Variants in PAPSS2 observed in about 807,000 individuals in gnomAD.
The protein encoded by PAPSS2 is bifunctional 3'-phosphoadenosine 5'-phosphosulfate synthase 2.
Under a neutral mutation model 66.5 loss-of-function variants are expected in PAPSS2, and 61 were observed. The observed-to-expected ratio is 0.92, with a 90% CI of 0.75 to 1.14. PAPSS2 has a LOEUF of 1.14. Ranked by LOEUF, PAPSS2 falls within the 50% of genes most tolerant of loss-of-function variation. The pLI, the probability that PAPSS2 is intolerant of heterozygous loss-of-function variation, is 0.00. For missense variants in PAPSS2, 708 were observed against 789.6 expected (o/e 0.90, Z 1.24); for synonymous variants, 289 against 287.5 (o/e 1.01, Z -0.05).
chr10:87,719,758 A>G (rs950302623), intron 7 of PAPSS2, among the ~76,000 whole-genome samples: 1 of 152,182 alleles, frequency 6.6e-6, no homozygotes, highest in African/African-American at 2.4e-5. Flanking sequence ...GTCTGGAGAT[A>G]GAATGGTAAT....
intron 7 of PAPSS2, among the ~76,000 whole-genome samples, chr10:87,720,814 C>T (rs1422781989): frequency 6.6e-6 from 1 of 152,174 alleles, no homozygotes; most frequent in Non-Finnish European, 1.5e-5. Flanking sequence ...ATGAGTCACT[C>T]CATATTATTA....
intron 10 of PAPSS2, among the ~76,000 whole-genome samples, chr10:87,742,162 TATTA>T (rs1853878264): frequency 6.6e-6 from 1 of 152,262 alleles, no homozygotes; most frequent in Non-Finnish European, 1.5e-5. Context: ...TAGAACCATA[TATTA>T]GAACGCTATT....
chr10:87,705,391 A>G (rs538113726), intron 1 of PAPSS2, among the ~76,000 whole-genome samples: 11 of 152,354 alleles, frequency 7.2e-5, no homozygotes, highest in African/African-American at 2.6e-4. Context: ...AGTTGCTAAG[A>G]ACATTCTAGT....
At chr10:87,673,150 C>G (rs1435768227) in intron 1 of PAPSS2, among the ~76,000 whole-genome samples, 2 of 152,190 alleles carry the variant, frequency 1.3e-5, no homozygotes, top group Non-Finnish European at 2.9e-5. Flanking sequence ...ATTCAGAGAG[C>G]TGAGTACTAG....
intron 9 of PAPSS2, among the ~76,000 whole-genome samples, chr10:87,731,778 G>T (rs1853732800): frequency 6.6e-6 from 1 of 152,238 alleles, no homozygotes; most frequent in South Asian, 2.1e-4. Context: ...GCCTGAAGAA[G>T]TAACTGAATT....
At chr10:87,696,315 C>G (rs1461743154) in intron 1 of PAPSS2, among the ~76,000 whole-genome samples, 1 of 152,152 alleles carries the variant, frequency 6.6e-6, no homozygotes, top group Non-Finnish European at 1.5e-5. Flanking sequence ...CTTCTTTCTC[C>G]TCTTTTCTAT....
At chr10:87,732,094 A>C (rs1426041737) in intron 9 of PAPSS2, among the ~76,000 whole-genome samples, 1 of 152,210 alleles carries the variant, frequency 6.6e-6, no homozygotes. Flanking sequence ...TCTTATTTTA[A>C]TAAATTGCCA....
chr10:87,690,731 T>C (rs898806490), intron 1 of PAPSS2, among the ~76,000 whole-genome samples: 15 of 152,242 alleles, frequency 9.9e-5, no homozygotes, highest in Non-Finnish European at 1.5e-5. Flanking sequence ...TTTTTCTTTT[T>C]CTAACATTTA....
intron 9 of PAPSS2, among the ~76,000 whole-genome samples, chr10:87,738,391 G>GT (rs530482092): frequency 1.3e-5 from 2 of 148,994 alleles, no homozygotes; most frequent in African/African-American, 2.5e-5. Context: ...ACCAACACTT[G>GT]TTTTTTTTCT....
At chr10:87,700,660 A>G (rs1228626226) in intron 1 of PAPSS2, among the ~76,000 whole-genome samples, 4 of 150,306 alleles carry the variant, frequency 2.7e-5, no homozygotes, top group African/African-American at 9.7e-5. Flanking sequence ...CCTGTCTCAA[A>G]AAAAAAAAAA....
At chr10:87,724,826 TAG>T in intron 8 of PAPSS2, among the ~76,000 whole-genome samples, 1 of 78,774 alleles carries the variant, frequency 1.3e-5, no homozygotes, top group East Asian at 5.1e-4. Flanking sequence ...GTATTATATA[TAG>T]GTATACAATA....
chr10:87,718,575 G>T (rs1182579406), intron 7 of PAPSS2, among the ~76,000 whole-genome samples: 1 of 152,172 alleles, frequency 6.6e-6, no homozygotes, highest in Non-Finnish European at 1.5e-5. Context: ...GTCCCCAAGG[G>T]GTGCGTTTCC....
chr10:87,727,755 A>G (rs1300693225), intron 9 of PAPSS2, among the ~76,000 whole-genome samples: 1 of 152,224 alleles, frequency 6.6e-6, no homozygotes, highest in Non-Finnish European at 1.5e-5. Flanking sequence ...ATGGGACCAG[A>G]TAAGAAATTT....
chr10:87,662,593 G>C (rs1206845807), intron 1 of PAPSS2, among the ~76,000 whole-genome samples: 1 of 134,444 alleles, frequency 7.4e-6, no homozygotes, highest in Non-Finnish European at 1.5e-5. Flanking sequence ...AGACACCTAG[G>C]AGAGGGAAAG....
intron 9 of PAPSS2, among the ~76,000 whole-genome samples, chr10:87,729,864 T>C (rs1190507634): frequency 6.6e-6 from 1 of 151,876 alleles, no homozygotes; most frequent in Non-Finnish European, 1.5e-5. Context: ...GGCATGGTGG[T>C]GCATGCCTGT....
rs1853658033 is a variant in PAPSS2 at position 87,726,234 on chromosome 10, A to C, written c.881-1050A>C. On this transcript the variant is annotated intron_variant, in intron 8 of 12. Coordinates refer to ENST00000456849, the MANE Select transcript of PAPSS2 (RefSeq NM_001015880.2). Reference sequence around the variant, plus strand: ...ATCATGAGGTCAAGAGATCGAGACCATCCTGGCCAACATGGTGAAACCCCG... The same window carrying C: ...ATCATGAGGTCAAGAGATCGAGACCCTCCTGGCCAACATGGTGAAACCCCG... 3.3e-5 allele frequency among the ~76,000 whole-genome samples: 5 copies of C among 152,172 alleles called. No individual in the cohort carries two copies. The South Asian group carries it at 8.3e-4, about 25-fold the overall frequency.
intron 1 of PAPSS2, among the ~76,000 whole-genome samples, chr10:87,662,988 C>G (rs1339586384): frequency 6.6e-6 from 1 of 151,624 alleles, no homozygotes; most frequent in African/African-American, 2.4e-5. Flanking sequence ...AAGCCATTCT[C>G]TTGCCCCAGC....
Position 87,745,051 on chromosome 10 carries a change from T to C in PAPSS2, c.1541T>C (p.Ile514Thr). The change falls in exon 12 of 13, where the codon ATT becomes ACT. Residue 514 changes from isoleucine (I) to threonine (T), a missense_variant. Coordinates refer to ENST00000456849, the MANE Select transcript of PAPSS2 (RefSeq NM_001015880.2). ...SRMIAGANFYIVGRDPAGMPH... is the reference protein window; with the variant it reads ...SRMIAGANFYTVGRDPAGMPH... ...ATGATTGCGGGTGCCAATTTCTACA[T>C]TGTGGGGAGGGACCCTGCAGGAATG... 3.1e-6 allele frequency: 5 copies of C among 1,614,122 alleles called. No homozygotes were observed. The highest frequency in any genetic ancestry group is 4.2e-6 in the Non-Finnish European group (5 of 1,179,990).
intron 1 of PAPSS2, among the ~76,000 whole-genome samples, chr10:87,701,632 C>T (rs1406574677): frequency 6.6e-6 from 1 of 151,894 alleles, no homozygotes; most frequent in Non-Finnish European, 1.5e-5. Flanking sequence ...ACTACGTTCC[C>T]CAGGCTGGTT....
Sources: allele counts gnomAD v4.1 joint callset (sites outside exome capture counted in the v4.1 genomes callset), GRCh38; gene constraint gnomAD v4.1.1; transcripts MANE v1.5; gene names NCBI Gene and HGNC (gene_info 2026-07-23, HGNC 2026-07-21).